NMUR2: variants seen among roughly 807,000 people sequenced by gnomAD.
NMUR2 encodes the protein neuromedin-U receptor 2.
NMUR2 carries 24 observed loss-of-function variants against 25.1 expected under a neutral mutation model. The observed-to-expected ratio is 0.96, with a 90% CI of 0.69 to 1.34. The LOEUF (loss-of-function observed/expected upper bound fraction) is 1.34. Ranked by LOEUF, NMUR2 falls within the 40% of genes most tolerant of loss-of-function variation. NMUR2 has a pLI of 0.00. For synonymous variants in NMUR2, 218 were observed against 208.1 expected, an observed-to-expected ratio of 1.05 and a Z score of -0.41; for missense variants, 533 against 512.8, an observed-to-expected ratio of 1.04 and a Z score of -0.38.
chr5:152,393,789 C>T (rs372014084), intron 3 of NMUR2, among the ~76,000 whole-genome samples: 113 of 152,104 alleles, frequency 7.4e-4, no homozygotes, highest in African/African-American at 2.7e-3. Context: ...TCTAGCCAGG[C>T]CTCAAAATGG....
intron 1 of NMUR2, among the ~76,000 whole-genome samples, chr5:152,400,218 C>A (rs1272879646): frequency 6.6e-6 from 1 of 152,046 alleles, no homozygotes; most frequent in Non-Finnish European, 1.5e-5. Flanking sequence ...TCGGAGTGTT[C>A]TACATGTATC....
At chr5:152,397,011 T>TG (rs1198514712) in intron 2 of NMUR2, among the ~76,000 whole-genome samples, 2 of 134,474 alleles carry the variant, frequency 1.5e-5, no homozygotes, top group African/African-American at 2.7e-5. Flanking sequence ...GTGAGCTTCA[T>TG]GTTTTTTTTT....
In NMUR2 at chr5:152,391,968, G is replaced by C; in HGVS notation, c.*223C>G. On this transcript the variant is annotated 3_prime_UTR_variant, in exon 4 of 4. Transcript: ENST00000255262. ...GCATGAACTAGTGAAGGGGCATGAG[G>C]CAGTTAGGATAGTGGAAAGATAACT... 1 of 465,464 alleles carries C rather than the reference G, an allele frequency of 2.1e-6. No homozygotes were observed. The highest frequency in any genetic ancestry group is 3.9e-5 in the Admixed American group (1 of 25,880). 28.8% of individuals were successfully genotyped at this position (465,464 alleles called of 1,614,324 possible).
At position 152,392,231 on chromosome 5, in the gene NMUR2, G is replaced by A. The variant is rs770091904; in HGVS notation, c.1208C>T (p.Ser403Leu). ...GTGGAAGCTTTGATAGTTTGTTCTT[G>A]ACATCTGTTCACTAGAGAGGGCTGC... is the stretch of plus-strand genomic sequence containing the variant. ...LPAALSSEQM[S>L]RTNYQSFHFN... Residue 403 changes from serine (S) to leucine (L), a missense_variant, in exon 4 of 4, where the codon TCA (serine) becomes TTA (leucine). By Grantham distance (145) the Ser-to-Leu change is moderately radical (BLOSUM62 -2). Coordinates refer to ENST00000255262, the MANE Select transcript of NMUR2 (RefSeq NM_020167.5). 4 of 1,613,530 alleles carry A rather than the reference G, an allele frequency of 2.5e-6. No individual in the cohort carries two copies. In the East Asian group the frequency reaches 6.7e-5, roughly 27 times the overall value.
At position 152,404,973 on chromosome 5, in the gene NMUR2, G is replaced by C. The variant is rs995955791; in HGVS notation, c.141C>G (p.Pro47=). 3.1e-6 allele frequency: 5 copies of C among 1,613,964 alleles called. No homozygotes were observed. Among genetic ancestry groups the C allele is most frequent in the South Asian group, 1.1e-5 (1 of 91,060 alleles). Residue 47 remains proline, a synonymous_variant, in exon 1 of 4, where the codon CCC becomes CCG. Transcript: ENST00000255262. ...AAATTGGCACATACACCACAGACACGGGGAGGAAGAAGTGGCTGCGCCGAG... is the reference window on the plus strand; with the variant it reads ...AAATTGGCACATACACCACAGACACCGGGAGGAAGAAGTGGCTGCGCCGAG... ...CGPRRSHFFL[P]VSVVYVPIFV...
intron 2 of NMUR2, among the ~76,000 whole-genome samples, chr5:152,396,405 G>A (rs1280924439): frequency 6.6e-6 from 1 of 152,088 alleles, no homozygotes; most frequent in East Asian, 1.9e-4. Context: ...TCATTTTACA[G>A]TTTTCTGTAC....
chr5:152,401,241 T>C (rs1360418107), intron 1 of NMUR2, among the ~76,000 whole-genome samples: 1 of 152,092 alleles, frequency 6.6e-6, no homozygotes, highest in Non-Finnish European at 1.5e-5. Context: ...AAAGGAGGAG[T>C]GCAAATTTGT....
intron 1 of NMUR2, among the ~76,000 whole-genome samples, chr5:152,401,389 G>T (rs1753251323): frequency 6.6e-6 from 1 of 152,158 alleles, no homozygotes; most frequent in African/African-American, 2.4e-5. Context: ...TTATTATTCA[G>T]GTTGATACAT....
chr5:152,397,092 G>C (rs1403733199), intron 2 of NMUR2, among the ~76,000 whole-genome samples: 1 of 139,716 alleles, frequency 7.2e-6, no homozygotes, highest in Non-Finnish European at 1.5e-5. Context: ...TATGTTTCTT[G>C]ATAGAGAAAG....
At chr5:152,399,574 A>G (rs560714874) in intron 1 of NMUR2, among the ~76,000 whole-genome samples, 2 of 152,274 alleles carry the variant, frequency 1.3e-5, no homozygotes, top group Admixed American at 1.3e-4. Context: ...CAAAGAAAAA[A>G]TGCTTGGAGC....
chr5:152,397,697 GA>G (rs1456388269), intron 2 of NMUR2, among the ~76,000 whole-genome samples: 1 of 152,036 alleles, frequency 6.6e-6, no homozygotes, highest in Non-Finnish European at 1.5e-5. Flanking sequence ...CACAGAGGGG[GA>G]AAGTGAAGCT....
intron 2 of NMUR2, among the ~76,000 whole-genome samples, chr5:152,396,627 C>T (rs909938073): frequency 3.3e-5 from 5 of 152,048 alleles, no homozygotes; most frequent in South Asian, 2.1e-4. Flanking sequence ...TCCTGACGGG[C>T]GTGGTGGCTC....
chr5:152,394,705 A>T (rs995224247), intron 3 of NMUR2, among the ~76,000 whole-genome samples: 7 of 152,214 alleles, frequency 4.6e-5, no homozygotes, highest in African/African-American at 1.7e-4. Flanking sequence ...TTTTGACTAT[A>T]CAATGTTAAT....
At chr5:152,398,188 A>AT in intron 1 of NMUR2, 44 bp from the exon 2 acceptor site, 2 of 1,392,452 alleles carry the variant, frequency 1.4e-6, no homozygotes, top group Non-Finnish European at 1.0e-6. Context: ...AAAGAGAAAC[A>AT]TTTTTCCTCC....
At position 152,392,412 on chromosome 5, in the gene NMUR2, A is replaced by C; in HGVS notation, c.1027T>G (p.Ser343Ala). 6.2e-7 allele frequency: 1 copy of C among 1,614,088 alleles called. No individual in the cohort carries two copies. The highest frequency in any genetic ancestry group is 1.3e-5 in the African/African-American group (1 of 75,032). Residue 343 changes from serine to alanine, a missense_variant, in exon 4 of 4, where the codon TCT (serine) becomes GCT (alanine). Coordinates refer to ENST00000255262, the MANE Select transcript of NMUR2 (RefSeq NM_020167.5). ...GAGTGCCACTGTTTGTGGAAAGAAGAGATCACATTCTGGAATGCTGCCTGG... is the reference window on the plus strand; with the variant it reads ...GAGTGCCACTGTTTGTGGAAAGAAGCGATCACATTCTGGAATGCTGCCTGG... Reference protein sequence around the residue: ...RFQAAFQNVISSFHKQWHSQH... With the variant: ...RFQAAFQNVIASFHKQWHSQH...
At chr5:152,403,834 A>G (rs989738194) in intron 1 of NMUR2, among the ~76,000 whole-genome samples, 1 of 152,012 alleles carries the variant, frequency 6.6e-6, no homozygotes, top group Non-Finnish European at 1.5e-5. Flanking sequence ...CAACCACAGT[A>G]AATGTCTGAT....
rs1435082453 is a variant in NMUR2 at position 152,395,634 on chromosome 5, A to C, written c.812-50T>G. The C allele has an allele frequency of 3.1e-6, 5 of 1,599,192 alleles. No homozygotes were observed. The East Asian group carries it at 1.1e-4, about 36-fold the overall frequency. The stretch of plus-strand genomic sequence containing the variant: ...ACCAGAAGACAGTCTGTGCAAGGAT[A>C]GGTATACAATGCTCACTCTGAGTCA... On this transcript the variant is annotated intron_variant, in intron 2 of 3. Transcript: ENST00000255262.
chr5:152,399,931 G>T (rs1454895731), intron 1 of NMUR2, among the ~76,000 whole-genome samples: 1 of 152,166 alleles, frequency 6.6e-6, no homozygotes, highest in African/African-American at 2.4e-5. Context: ...AGAAATTGTT[G>T]TGATTATGTG....
chr5:152,398,551 T>C (rs953122440), intron 1 of NMUR2, among the ~76,000 whole-genome samples: 1 of 152,196 alleles, frequency 6.6e-6, no homozygotes, highest in Admixed American at 6.5e-5. Flanking sequence ...GGATAATTAG[T>C]AGAAAACCAA....
Sources: gnomAD v4.1 joint callset for allele counts (sites outside exome capture counted in the v4.1 genomes callset) on GRCh38, gnomAD v4.1.1 for gene constraint, MANE v1.5 for transcripts, NCBI Gene and HGNC (gene_info 2026-07-23, HGNC 2026-07-21) for gene names.